CDK17: variants seen among roughly 807,000 people sequenced by gnomAD.
CDK17 encodes the protein cyclin-dependent kinase 17.
A neutral mutation model predicts 77.6 loss-of-function variants in CDK17; 24 were observed. The ratio of observed to expected loss-of-function variants is 0.31; its 90% CI spans 0.22 to 0.44. CDK17 has a LOEUF of 0.44. Among genes scored for constraint, CDK17 ranks in the 20% least tolerant of loss-of-function variants. CDK17 has a pLI of 1.00. For synonymous variants in CDK17, 203 were observed against 210.4 expected, an observed-to-expected ratio of 0.96 and a Z score of 0.30; for missense variants, 429 against 622.5, an observed-to-expected ratio of 0.69 and a Z score of 3.31.
Position 96,289,293 on chromosome 12 carries a change from T to G in CDK17, c.998-6A>C. 1 of 1,613,710 alleles carries G rather than the reference T, an allele frequency of 6.2e-7. No individual in the cohort carries two copies. The highest frequency in any genetic ancestry group is 8.5e-7 in the Non-Finnish European group (1 of 1,179,694). ...TGACTTGGCTCGGGCTAGTCCTTCA[T>G]AGGGAAAATAAAACAAAGGGTTAAG... On this transcript the variant is annotated splice_polypyrimidine_tract_variant and splice_region_variant and intron_variant, in intron 10 of 16. Transcript: ENST00000261211.
intron 1 of CDK17, among the ~76,000 whole-genome samples, chr12:96,390,805 T>C (rs1954055717): frequency 6.6e-6 from 1 of 150,706 alleles, no homozygotes; most frequent in Non-Finnish European, 1.5e-5. Context: ...ATTACTGTAA[T>C]TCCATTTAAA....
intron 2 of CDK17, among the ~76,000 whole-genome samples, chr12:96,325,582 T>C (rs1484571739): frequency 6.6e-6 from 1 of 152,206 alleles, no homozygotes; most frequent in Non-Finnish European, 1.5e-5. Flanking sequence ...ATAAGAAGGA[T>C]GGGGCATAAG....
At chr12:96,316,175 G>T (rs905465123) in intron 3 of CDK17, among the ~76,000 whole-genome samples, 2 of 152,122 alleles carry the variant, frequency 1.3e-5, no homozygotes, top group Non-Finnish European at 2.9e-5. Flanking sequence ...TTCTCTTTCC[G>T]AGTCAAAGAA....
At chr12:96,300,249 T>A in intron 6 of CDK17, 55 bp downstream of exon 6, 1 of 1,187,842 alleles carries the variant, frequency 8.4e-7, no homozygotes, top group Admixed American at 1.9e-5. Context: ...AGTAACAGAG[T>A]TTGAATGACG....
At chr12:96,319,011 C>G (rs1952773572) in intron 3 of CDK17, among the ~76,000 whole-genome samples, 1 of 148,326 alleles carries the variant, frequency 6.7e-6, no homozygotes, top group South Asian at 2.2e-4. Context: ...AATCCAGGAG[C>G]TGGTTTTTTG....
intron 1 of CDK17, among the ~76,000 whole-genome samples, chr12:96,356,963 T>C (rs967642936): frequency 1.3e-5 from 2 of 152,234 alleles, no homozygotes; most frequent in Non-Finnish European, 2.9e-5. Context: ...TTGCAGATGA[T>C]AAATCCCCAC....
At chr12:96,330,455 C>A (rs754723572) in intron 2 of CDK17, among the ~76,000 whole-genome samples, 6 of 152,154 alleles carry the variant, frequency 3.9e-5, no homozygotes, top group Non-Finnish European at 8.8e-5. Context: ...ACAACCATCA[C>A]CTCCCTGTGT....
At position 96,305,560 on chromosome 12, in the gene CDK17, T is replaced by C. The variant is rs115706122; in HGVS notation, c.544-5200A>G. Among the ~76,000 whole-genome samples, 423 of 152,256 alleles carry C rather than the reference T, an allele frequency of 2.8e-3. 2 individuals carry two copies. The highest frequency in any genetic ancestry group is 9.2e-3 in the African/African-American group (384 of 41,550). ...AAATGGGAGACTGAACACACATCAG[T>C]TTATAGGGATAACAGATAGTCTTAA... On this transcript the variant is annotated intron_variant, in intron 5 of 16. Coordinates refer to ENST00000261211, the MANE Select transcript of CDK17 (RefSeq NM_002595.5).
chr12:96,343,528 G>C (rs1234187417), intron 1 of CDK17, among the ~76,000 whole-genome samples: 1 of 152,228 alleles, frequency 6.6e-6, no homozygotes, highest in African/African-American at 2.4e-5. Context: ...CCGGGCAGGG[G>C]AGGCGCACCT....
At chr12:96,397,898 AC>A (rs1226479520) in intron 1 of CDK17, among the ~76,000 whole-genome samples, 1 of 152,204 alleles carries the variant, frequency 6.6e-6, no homozygotes, top group East Asian at 1.9e-4. Flanking sequence ...TAATTCAGAC[AC>A]TAGCCCTCAA....
At position 96,392,351 on chromosome 12, in the gene CDK17, G is replaced by A. The variant is rs570517853; in HGVS notation, c.-30+7635C>T. 2.0e-5 allele frequency among the ~76,000 whole-genome samples: 3 copies of A among 152,258 alleles called. No homozygotes were observed. In the South Asian group the frequency reaches 6.2e-4, roughly 32 times the overall value. On this transcript the variant is annotated intron_variant, in intron 1 of 16. Transcript: ENST00000261211. ...AGAGTAGGCAGGTACTTCAGACATG[G>A]ATGGATGAATGGACGGCAGTACGGA... is the stretch of plus-strand genomic sequence containing the variant.
At chr12:96,354,081 TAG>T (rs1953358618) in intron 1 of CDK17, among the ~76,000 whole-genome samples, 2 of 152,102 alleles carry the variant, frequency 1.3e-5, no homozygotes, top group South Asian at 4.1e-4. Flanking sequence ...ACAGAATGGA[TAG>T]AGACATCAAT....
intron 1 of CDK17, among the ~76,000 whole-genome samples, chr12:96,397,202 CTAAA>C (rs1299924940): frequency 1.3e-5 from 2 of 152,124 alleles, no homozygotes; most frequent in African/African-American, 4.8e-5. Context: ...TATCTGAAAA[CTAAA>C]TATATCAACA....
At chr12:96,288,961 A>T (rs1952281445) in intron 11 of CDK17, among the ~76,000 whole-genome samples, 1 of 152,242 alleles carries the variant, frequency 6.6e-6, no homozygotes, top group Non-Finnish European at 1.5e-5. Context: ...CAGTAATTTG[A>T]ATAAAGTTAA....
intron 2 of CDK17, among the ~76,000 whole-genome samples, chr12:96,332,660 T>C (rs1471071927): frequency 6.6e-6 from 1 of 152,226 alleles, no homozygotes; most frequent in African/African-American, 2.4e-5. Context: ...TGGTAGCCTA[T>C]GCTACTAGCA....
At chr12:96,314,153 TA>T (rs1452590709) in intron 3 of CDK17, among the ~76,000 whole-genome samples, 16 of 152,036 alleles carry the variant, frequency 1.1e-4, no homozygotes, top group African/African-American at 3.6e-4. Context: ...TAAATGGAAG[TA>T]GGGGGAGGAA....
At chr12:96,372,396 C>T (rs1244665962) in intron 1 of CDK17, among the ~76,000 whole-genome samples, 1 of 152,110 alleles carries the variant, frequency 6.6e-6, no homozygotes, top group Non-Finnish European at 1.5e-5. Context: ...TATAAAACTA[C>T]CATTATCTTC....
intron 1 of CDK17, among the ~76,000 whole-genome samples, chr12:96,378,696 A>G (rs201778165): frequency 6.6e-6 from 1 of 152,256 alleles, no homozygotes; most frequent in East Asian, 1.9e-4. Context: ...GCATTGTAAC[A>G]GCAAAAAATA....
intron 1 of CDK17, among the ~76,000 whole-genome samples, chr12:96,398,536 T>C (rs1477156591): frequency 1.3e-5 from 2 of 152,238 alleles, no homozygotes; most frequent in African/African-American, 4.8e-5. Flanking sequence ...CATTTTCTTC[T>C]GCCCAAGAGT....
Sources: gnomAD v4.1 joint callset for allele counts (sites outside exome capture counted in the v4.1 genomes callset) on GRCh38, gnomAD v4.1.1 for gene constraint, MANE v1.5 for transcripts, NCBI Gene and HGNC (gene_info 2026-07-23, HGNC 2026-07-21) for gene names.